NCAPG2: variants seen among roughly 807,000 people sequenced by gnomAD.
The protein encoded by NCAPG2 is non-SMC condensin II complex subunit G2.
In NCAPG2, 53 loss-of-function variants were observed where a neutral mutation model predicts 141.1. The ratio of observed to expected loss-of-function variants is 0.38; its 90% CI spans 0.30 to 0.47. The LOEUF (loss-of-function observed/expected upper bound fraction) is 0.47, where lower values mean the gene tolerates loss of function less well. Ranked by LOEUF, NCAPG2 falls within the 20% of genes least tolerant of loss-of-function variation. The pLI, the probability that NCAPG2 is intolerant of heterozygous loss-of-function variation, is 0.99. For missense variants in NCAPG2, 1,087 were observed against 1,389.0 expected (o/e 0.78, Z 3.46); for synonymous variants, 499 against 490.7 (o/e 1.02, Z -0.22).
Position 158,644,368 on chromosome 7 carries a change from C to T in NCAPG2, c.3301G>A (p.Val1101Met). The change falls in exon 27 of 28, where the codon GTG becomes ATG. Residue 1101 changes from valine to methionine, a missense_variant. Physicochemically the swap from Val to Met is conservative, Grantham distance 21 (BLOSUM62 1). Coordinates refer to ENST00000356309, the MANE Select transcript of NCAPG2 (RefSeq NM_017760.7). The part of the protein sequence containing the change: ...INAGKHKSSK[V>M]REVAATVHRK... ...TGAACAGTGGCTGCAACCTCCCTCA[C>T]TTTTGAGCTTTTATGTTTACCTGGG... 1 of 1,613,812 alleles carries T rather than the reference C, an allele frequency of 6.2e-7. No individual in the cohort carries two copies. The highest frequency in any genetic ancestry group is 8.5e-7 in the Non-Finnish European group (1 of 1,179,724).
chr7:158,631,623 A>G lies in NCAPG2; in HGVS notation c.*43T>C. 1 of 1,480,480 alleles carries G rather than the reference A, an allele frequency of 6.8e-7. No homozygotes were observed. The highest frequency in any genetic ancestry group is 9.4e-7 in the Non-Finnish European group (1 of 1,061,026). The allele number at this position is 1,480,480 out of a possible 1,614,324, so 91.7% of individuals were successfully genotyped here. A position where few individuals can be genotyped will look rare whatever the true frequency, so the allele number is the denominator to read the frequency against. On this transcript the variant is annotated 3_prime_UTR_variant, in exon 28 of 28. Transcript: ENST00000356309. ...AAAATACACAGGCATTTCAATTTGA[A>G]TCACTTTTCCCTATTTTTACATGTC...
At chr7:158,703,980 C>A (rs1414766439) in intron 1 of NCAPG2, among the ~76,000 whole-genome samples, 1 of 152,136 alleles carries the variant, frequency 6.6e-6, no homozygotes, top group African/African-American at 2.4e-5. Flanking sequence ...AGGGCAGTTC[C>A]CATGCCCAGG....
intron 17 of NCAPG2, among the ~76,000 whole-genome samples, chr7:158,658,006 C>T (rs952277931): frequency 6.6e-6 from 1 of 151,976 alleles, no homozygotes; most frequent in African/African-American, 2.4e-5. Flanking sequence ...CCCAGGGACA[C>T]AAACGCTGCG....
At position 158,666,955 on chromosome 7, in the gene NCAPG2, C is replaced by T. The variant is rs114522035; in HGVS notation, c.1480-2205G>A. ...CTCCACTGGGCCAGCACACCCATTA[C>T]TGAGGTGTGCACGCCAGGCCCGGCA... On this transcript the variant is annotated intron_variant, in intron 13 of 27. Transcript: ENST00000356309. Among the ~76,000 whole-genome samples the T allele has an allele frequency of 6.6e-3, 1,000 of 152,226 alleles. 14 individuals carry two copies. Among genetic ancestry groups the T allele is most frequent in the African/African-American group, 0.022 (924 of 41,530 alleles).
chr7:158,641,581 G>T (rs1409289023), intron 27 of NCAPG2: 2 of 594,232 alleles, frequency 3.4e-6, no homozygotes, highest in African/African-American at 1.9e-5. Context: ...AAAAGGAAAT[G>T]AATAAAAAGA....
intron 12 of NCAPG2, among the ~76,000 whole-genome samples, chr7:158,672,595 C>G (rs1833811534): frequency 6.6e-6 from 1 of 151,952 alleles, no homozygotes; most frequent in Admixed American, 6.6e-5. Context: ...CCCGCCTCGG[C>G]CTCCCAAAGT....
At position 158,645,629 on chromosome 7, in the gene NCAPG2, A is replaced by C. The variant is rs771933176; in HGVS notation, c.3180-10T>G. The C allele has an allele frequency of 1.2e-6, 2 of 1,610,964 alleles. No homozygotes were observed. The highest frequency in any genetic ancestry group is 1.7e-6 in the Non-Finnish European group (2 of 1,177,136). On this transcript the variant is annotated splice_polypyrimidine_tract_variant and intron_variant, in intron 25 of 27. Transcript: ENST00000356309. ...TTCATCCAAAAATGACCTGCAAAAA[A>C]ATCAACAAACATCAAAATTACTGTA...
At chr7:158,645,451 G>T in intron 26 of NCAPG2, 68 bp downstream of exon 26, 1 of 1,409,776 alleles carries the variant, frequency 7.1e-7, no homozygotes, top group Non-Finnish European at 1.0e-6. Flanking sequence ...CTGATCCCCG[G>T]AATCCCATGA....
Position 158,654,701 on chromosome 7 carries a change from G to C in NCAPG2, c.2647-7C>G, listed in dbSNP as rs543625506. 1.2e-6 allele frequency: 2 copies of C among 1,611,802 alleles called. No homozygotes were observed. Among genetic ancestry groups the C allele is most frequent in the Admixed American group, 3.4e-5 (2 of 59,418 alleles). On this transcript the variant is annotated splice_polypyrimidine_tract_variant and splice_region_variant and intron_variant, in intron 21 of 27. Coordinates refer to ENST00000356309, the MANE Select transcript of NCAPG2 (RefSeq NM_017760.7). ...TACACACAGTCAGGTAGGTCTGTAA[G>C]AGACAGACACAGCTTAGCAACAAAG... is the stretch of plus-strand genomic sequence containing the variant.
intron 13 of NCAPG2, among the ~76,000 whole-genome samples, chr7:158,671,186 G>C (rs1222135756): frequency 7.4e-6 from 1 of 135,826 alleles, no homozygotes; most frequent in Non-Finnish European, 1.6e-5. Context: ...GGGGTGGGGG[G>C]TGGCTCATAC....
intron 23 of NCAPG2, among the ~76,000 whole-genome samples, chr7:158,651,294 A>T (rs114816814): frequency 6.6e-6 from 1 of 152,230 alleles, no homozygotes. Context: ...ATAAGGCATC[A>T]GCTATGAGGC....
chr7:158,680,646 T>C, intron 10 of NCAPG2, 75 bp downstream of exon 10: 1 of 946,260 alleles, frequency 1.1e-6, no homozygotes, highest in East Asian at 2.8e-5. Context: ...TATTGTAATT[T>C]GGACTTAGAG....
chr7:158,641,237 C>T (rs1734931123), intron 27 of NCAPG2: 1 of 347,178 alleles, frequency 2.9e-6, no homozygotes, highest in African/African-American at 2.1e-5. Context: ...GAACAAATAA[C>T]AAGGGGAACA....
Position 158,646,546 on chromosome 7 carries a change from C to A in NCAPG2, c.3093G>T (p.Glu1031Asp). The A allele has an allele frequency of 6.3e-7, 1 of 1,576,982 alleles. No homozygotes were observed. The highest frequency in any genetic ancestry group is 8.6e-7 in the Non-Finnish European group (1 of 1,168,864). The change falls in exon 25 of 28, where the codon GAG becomes GAT. Residue 1031 changes from glutamate to aspartate, a missense_variant. Transcript: ENST00000356309. The part of the protein sequence containing the change: ...HQLRKVSDVE[E>D]LTPPEHLSDL... ...CAGAAAGATGCTCTGGAGGGGTAAG[C>A]TCTTCTACGTCAGAAACCTAAAAAA... is the stretch of plus-strand genomic sequence containing the variant.
At chr7:158,692,697 C>T (rs531824723) in intron 4 of NCAPG2, 145 bp downstream of exon 4, 12 of 631,112 alleles carry the variant, frequency 1.9e-5, no homozygotes, top group East Asian at 3.2e-5. Flanking sequence ...GCTGAGATCG[C>T]GCCATTGCAC....
chr7:158,692,156 AAAC>A (rs1358320298), intron 4 of NCAPG2, among the ~76,000 whole-genome samples: 1 of 152,114 alleles, frequency 6.6e-6, no homozygotes, highest in Non-Finnish European at 1.5e-5. Flanking sequence ...AAACAAAACA[AAAC>A]AAAACAAAAC....
rs370192821 is a variant in NCAPG2 at position 158,668,243 on chromosome 7, T to TC, written c.1479+3270dup. ...TACCCACTACTGGGTCCCTCTGCCC[T>TC]CCTTACCCACTACTGGGTCCCTCTG... On this transcript the variant is annotated intron_variant, in intron 13 of 27. Transcript: ENST00000356309. The TC allele has an allele frequency of 5.1e-3, 166 of 32,698 alleles. 6 individuals are homozygous for TC. The highest frequency in any genetic ancestry group is 0.015 in the Admixed American group (8 of 528). 2.0% of individuals were successfully genotyped at this position (32,698 alleles called of 1,614,324 possible).
chr7:158,672,329 T>TATATATATATATATATA (rs1376306896), intron 12 of NCAPG2, among the ~76,000 whole-genome samples: 1 of 26,536 alleles, frequency 3.8e-5, no homozygotes, highest in African/African-American at 1.5e-4. Flanking sequence ...TATATATATA[T>TATATATATATATATATA]TTTTTTTTTT....
chr7:158,692,815 A>G (rs1835213007), intron 4 of NCAPG2, 27 bp downstream of exon 4: 3 of 1,265,116 alleles, frequency 2.4e-6, no homozygotes, highest in Non-Finnish European at 3.4e-6. Context: ...ACTTCTAAAT[A>G]TGCCATTTAT....
Sources: allele counts gnomAD v4.1 joint callset (sites outside exome capture counted in the v4.1 genomes callset), GRCh38; gene constraint gnomAD v4.1.1; transcripts MANE v1.5; gene names NCBI Gene and HGNC (gene_info 2026-07-23, HGNC 2026-07-21).